The following NRP2 variants were observed in gnomAD, a reference collection of about 807,000 sequenced individuals.
The protein encoded by NRP2 is neuropilin 2, also known as neuropilin-2.
A neutral mutation model predicts 110.4 loss-of-function variants in NRP2; 52 were observed. The ratio of observed to expected loss-of-function variants is 0.47; its 90% CI spans 0.38 to 0.59. NRP2 has a LOEUF of 0.59. NRP2 is among the 20% of genes least tolerant of loss of function. The pLI is 0.00. For synonymous variants in NRP2, 508 were observed against 468.9 expected (o/e 1.08, Z -1.08); for missense variants, 1,049 against 1,203.0 (o/e 0.87, Z 1.89).
intron 2 of NRP2, chr2:205,701,060 G>GA (rs1478110362): frequency 5.3e-6 from 1 of 187,140 alleles, no homozygotes; most frequent in East Asian, 1.6e-4. Context: ...CCAACAGACT[G>GA]AATGTTATGG....
chr2:205,696,934 AT>A (rs1027124144), intron 1 of NRP2, among the ~76,000 whole-genome samples: 3 of 151,810 alleles, frequency 2.0e-5, no homozygotes, highest in African/African-American at 4.8e-5. Flanking sequence ...GGGGGTTTGC[AT>A]TTTTTTTCTT....
At chr2:205,729,320 A>G (rs970185519) in intron 7 of NRP2, among the ~76,000 whole-genome samples, 17 of 152,242 alleles carry the variant, frequency 1.1e-4, no homozygotes, top group African/African-American at 4.1e-4. Context: ...GATTTCCACG[A>G]TAAGGAAAGT....
In NRP2 at chr2:205,728,517, T is replaced by A. The variant is rs849525; in HGVS notation, c.1146+471T>A. 5.9e-5 allele frequency among the ~76,000 whole-genome samples: 9 copies of A among 152,158 alleles called. No homozygotes were observed. In the South Asian group the frequency reaches 1.7e-3, roughly 28 times the overall value. ...GGAGAAGAAAAAGGACAATAAATAA[T>A]GAGGAGAAATTCAGTTTGTTGGGGA... On this transcript the variant is annotated intron_variant, in intron 7 of 16. Transcript: ENST00000357785.
At chr2:205,789,872 G>C (rs1052513595) in intron 15 of NRP2, among the ~76,000 whole-genome samples, 2 of 152,216 alleles carry the variant, frequency 1.3e-5, no homozygotes, top group African/African-American at 2.4e-5. Context: ...GAGAGAGAAA[G>C]CTCTTAATCA....
At chr2:205,749,643 A>G (rs1313146311) in intron 10 of NRP2, 82 bp from the exon 11 acceptor site, 11 of 1,067,238 alleles carry the variant, frequency 1.0e-5, no homozygotes, top group Admixed American at 3.4e-5. Context: ...TCCCTTCTCT[A>G]GAGATGTTTG....
intron 2 of NRP2, among the ~76,000 whole-genome samples, chr2:205,706,959 T>C (rs974147584): frequency 3.9e-5 from 6 of 152,202 alleles, no homozygotes; most frequent in Non-Finnish European, 7.3e-5. Flanking sequence ...GGCTGTGAGA[T>C]GAATAAAGAT....
At chr2:205,774,972 G>A (rs776369188) in intron 15 of NRP2, among the ~76,000 whole-genome samples, 16 of 152,064 alleles carry the variant, frequency 1.1e-4, no homozygotes, top group South Asian at 2.1e-4. Context: ...AATGAGCCCC[G>A]TTTGCATCTT....
At chr2:205,771,426 C>A (rs572803405) in intron 15 of NRP2, among the ~76,000 whole-genome samples, 1 of 152,306 alleles carries the variant, frequency 6.6e-6, no homozygotes, top group African/African-American at 2.4e-5. Flanking sequence ...CCTCCACCAG[C>A]ACTTCATTTT....
At chr2:205,774,691 G>A (rs1487210526) in intron 15 of NRP2, among the ~76,000 whole-genome samples, 1 of 151,916 alleles carries the variant, frequency 6.6e-6, no homozygotes, top group African/African-American at 2.4e-5. Flanking sequence ...CTTCTGAGAA[G>A]ACATTAGAAG....
intron 7 of NRP2, among the ~76,000 whole-genome samples, chr2:205,730,245 C>G (rs1482050667): frequency 6.6e-6 from 1 of 152,206 alleles, no homozygotes; most frequent in Non-Finnish European, 1.5e-5. Context: ...GCAGATTCCC[C>G]CTCATTCACG....
intron 7 of NRP2, among the ~76,000 whole-genome samples, chr2:205,732,590 G>C (rs966534929): frequency 1.3e-5 from 2 of 152,208 alleles, no homozygotes; most frequent in African/African-American, 4.8e-5. Context: ...TCTGTAGATG[G>C]AAGGCTCTCC....
At chr2:205,690,808 T>A (rs1029053422) in intron 1 of NRP2, among the ~76,000 whole-genome samples, 2 of 151,810 alleles carry the variant, frequency 1.3e-5, no homozygotes, top group African/African-American at 2.4e-5. Context: ...AAATAAAATG[T>A]GAATGTGCTT....
chr2:205,773,354 C>A (rs1373458892), intron 15 of NRP2, among the ~76,000 whole-genome samples: 1 of 152,170 alleles, frequency 6.6e-6, no homozygotes, highest in African/African-American at 2.4e-5. Context: ...TTATTTCTAA[C>A]CTCTTGACAT....
intron 9 of NRP2, 82 bp from the exon 10 acceptor site, chr2:205,745,664 G>A (rs1418598846): frequency 6.5e-7 from 1 of 1,544,728 alleles, no homozygotes. Flanking sequence ...GCGGGGCAGG[G>A]AGGAGAAGGG....
intron 7 of NRP2, among the ~76,000 whole-genome samples, chr2:205,733,529 C>A (rs940834403): frequency 6.6e-6 from 1 of 152,160 alleles, no homozygotes; most frequent in Non-Finnish European, 1.5e-5. Context: ...AGAGCCTCCA[C>A]CTGAAGAGGC....
chr2:205,775,961 C>T (rs895612595), intron 15 of NRP2, among the ~76,000 whole-genome samples: 1 of 152,198 alleles, frequency 6.6e-6, no homozygotes, highest in Non-Finnish European at 1.5e-5. Flanking sequence ...CCCATACTTA[C>T]TATTTAACTA....
chr2:205,747,700 C>A (rs927771730), intron 10 of NRP2, among the ~76,000 whole-genome samples: 3 of 152,178 alleles, frequency 2.0e-5, no homozygotes, highest in Non-Finnish European at 4.4e-5. Context: ...GTAGAAGTCA[C>A]TTGCCAGAGG....
intron 3 of NRP2, among the ~76,000 whole-genome samples, chr2:205,720,262 C>CTTTTTTTTTTTTTTTTTT (rs202203741): frequency 1.5e-5 from 2 of 129,172 alleles, no homozygotes; most frequent in Non-Finnish European, 3.3e-5. Context: ...TTTTTTCTTT[C>CTTTTTTTTTTTTTTTTTT]TTTTTTTTTT....
intron 12 of NRP2, chr2:205,759,835 G>A (rs935905795): frequency 6.6e-6 from 1 of 152,168 alleles, no homozygotes; most frequent in African/African-American, 2.4e-5. Flanking sequence ...AGCTCTTAAT[G>A]TGTCCTTGTT....
Sources: allele counts gnomAD v4.1 joint callset (sites outside exome capture counted in the v4.1 genomes callset), GRCh38; gene constraint gnomAD v4.1.1; transcripts MANE v1.5; gene names NCBI Gene and HGNC (gene_info 2026-07-23, HGNC 2026-07-21).